The following IRAK2 variants were observed in gnomAD, a reference collection of about 807,000 sequenced individuals.
The protein encoded by IRAK2 is interleukin 1 receptor associated kinase 2, also known as interleukin-1 receptor-associated kinase-like 2.
A neutral mutation model predicts 72.0 loss-of-function variants in IRAK2; 57 were observed. The ratio of observed to expected loss-of-function variants is 0.79; its 90% CI spans 0.64 to 0.99. IRAK2 has a LOEUF of 0.99. IRAK2 is among the 50% of genes least tolerant of loss of function. The probability of loss-of-function intolerance (pLI) is 0.00; values close to 1 mark genes in which losing one functional copy is unlikely to be tolerated. For missense variants in IRAK2, 790 were observed against 794.4 expected, an observed-to-expected ratio of 0.99 and a Z score of 0.07; for synonymous variants, 293 against 312.7, an observed-to-expected ratio of 0.94 and a Z score of 0.67.
At chr3:10,200,330 C>A (rs755070437) in intron 2 of IRAK2, 39 bp from the exon 3 acceptor site, 4 of 1,532,724 alleles carry the variant, frequency 2.6e-6, no homozygotes, top group South Asian at 1.2e-5. Context: ...TACCCCACTT[C>A]ATGGAATAGT....
intron 1 of IRAK2, among the ~76,000 whole-genome samples, chr3:10,175,777 C>T (rs1458946856): frequency 6.6e-6 from 1 of 150,520 alleles, no homozygotes. Context: ...GTAGTCCCAG[C>T]TACTCGGGAG....
intron 2 of IRAK2, among the ~76,000 whole-genome samples, chr3:10,178,627 T>A (rs777102107): frequency 1.3e-4 from 20 of 152,110 alleles, no homozygotes; most frequent in Non-Finnish European, 2.5e-4. Flanking sequence ...TTAATTAATT[T>A]AAAAAACCCC....
At chr3:10,236,342 G>GTTTTTTTTTTTTTTT (rs34423993) in intron 11 of IRAK2, among the ~76,000 whole-genome samples, 1 of 99,636 alleles carries the variant, frequency 1.0e-5, no homozygotes, top group African/African-American at 3.7e-5. Flanking sequence ...AGCCACTAAG[G>GTTTTTTTTTTTTTTT]TTTTTTTTTT....
intron 4 of IRAK2, among the ~76,000 whole-genome samples, chr3:10,212,139 A>G (rs461602): frequency 0.41 from 61,822 of 151,368 alleles, 13,015 homozygotes; most frequent in Middle Eastern, 0.5. Context: ...AAAAACGGAA[A>G]CAGAACTTCT....
intron 1 of IRAK2, among the ~76,000 whole-genome samples, chr3:10,171,383 C>T (rs1696792447): frequency 1.3e-5 from 2 of 152,112 alleles, no homozygotes; most frequent in African/African-American, 4.8e-5. Flanking sequence ...GCTTAGGAGA[C>T]TCAGCTTATT....
At position 10,177,949 on chromosome 3, in the gene IRAK2, C is replaced by A. The variant is rs2306697; in HGVS notation, c.206C>A (p.Ala69Asp). The A allele has an allele frequency of 3.0e-5, 48 of 1,613,738 alleles. 1 individual carries two copies. In the East Asian group the frequency reaches 9.6e-4, roughly 32 times the overall value. The change falls in exon 2 of 13, where the codon GCC (alanine) becomes GAC (aspartate). Residue 69 changes from alanine (A) to aspartate (D), a missense_variant. Ala to Asp is a moderately radical substitution (Grantham distance 126). Coordinates refer to ENST00000256458, the MANE Select transcript of IRAK2 (RefSeq NM_001570.4). ...ELLWWWGMRQ[A>D]TVQQLVDLLC... ...CTGTGGTGGTGGGGCATGCGGCAGG[C>A]CACCGTCCAGCAACTTGTGGACCTC...
At chr3:10,238,711 ATT>A (rs1267845889) in intron 11 of IRAK2, 35 bp from the exon 12 acceptor site, 1 of 1,592,070 alleles carries the variant, frequency 6.3e-7, no homozygotes, top group Non-Finnish European at 8.6e-7. Context: ...TTCAGAGAGA[ATT>A]CCTGATGAGC....
chr3:10,168,645 T>G (rs1696742597), intron 1 of IRAK2, among the ~76,000 whole-genome samples: 1 of 152,234 alleles, frequency 6.6e-6, no homozygotes, highest in East Asian at 1.9e-4. Context: ...GCACATCTTC[T>G]TTGGAGAATA....
chr3:10,236,341 G>GTTTTT lies in IRAK2; in HGVS notation c.1473+1682_1473+1683insTTTTT, dbSNP rs1338122281. Among the ~76,000 whole-genome samples the GTTTTT allele has an allele frequency of 2.8e-4, 35 of 125,254 alleles. 1 individual carries two copies. Among genetic ancestry groups the GTTTTT allele is most frequent in the African/African-American group, 7.1e-4 (23 of 32,216 alleles). The allele number at this position is 125,254 out of a possible 152,430, so 82.2% of individuals were successfully genotyped here. ...GTAAGGATTTTTGCAGAGCCACTAA[G>GTTTTT]GTTTTTTTTTTTTTTTTTTTTTTTT... is the stretch of plus-strand genomic sequence containing the variant. On this transcript the variant is annotated intron_variant, in intron 11 of 12. Coordinates refer to ENST00000256458, the MANE Select transcript of IRAK2 (RefSeq NM_001570.4).
At chr3:10,220,119 G>A (rs1027204542) in intron 8 of IRAK2, among the ~76,000 whole-genome samples, 4 of 152,114 alleles carry the variant, frequency 2.6e-5, no homozygotes, top group African/African-American at 4.8e-5. Context: ...CCTCATCCTC[G>A]AACTTTGGGC....
chr3:10,219,331 T>TTG (rs542085149), intron 7 of IRAK2, among the ~76,000 whole-genome samples: 94 of 151,690 alleles, frequency 6.2e-4, no homozygotes, highest in African/African-American at 2.3e-3. Context: ...GTTTTTGTTT[T>TTG]TTTTTGAGAT....
At chr3:10,174,108 C>T (rs528329281) in intron 1 of IRAK2, among the ~76,000 whole-genome samples, 1 of 152,264 alleles carries the variant, frequency 6.6e-6, no homozygotes, top group South Asian at 2.1e-4. Context: ...ATGACCAATG[C>T]TTCGTGGGGG....
At chr3:10,221,851 G>A (rs1194038365) in intron 8 of IRAK2, among the ~76,000 whole-genome samples, 1 of 151,792 alleles carries the variant, frequency 6.6e-6, no homozygotes, top group Non-Finnish European at 1.5e-5. Flanking sequence ...GTACACATGT[G>A]GCTTAGCTTT....
At chr3:10,191,211 C>T (rs928844014) in intron 2 of IRAK2, among the ~76,000 whole-genome samples, 3 of 151,784 alleles carry the variant, frequency 2.0e-5, no homozygotes, top group Non-Finnish European at 4.4e-5. Context: ...AGGAGAATTG[C>T]TTGAACCCGG....
At chr3:10,239,911 C>T (rs568043815) in intron 12 of IRAK2, among the ~76,000 whole-genome samples, 374 of 152,016 alleles carry the variant, frequency 2.5e-3, no homozygotes, top group African/African-American at 8.0e-3. Context: ...CTTCCAGAGG[C>T]TGGGGTGGGC....
intron 2 of IRAK2, among the ~76,000 whole-genome samples, chr3:10,188,285 G>C (rs1182096053): frequency 6.6e-6 from 1 of 152,082 alleles, no homozygotes; most frequent in African/African-American, 2.4e-5. Flanking sequence ...CCTGCCACAG[G>C]GATTTAGATA....
rs566800937 is a variant in IRAK2, at chr3:10,219,654, T to G, written c.904-26T>G. 1.3e-4 allele frequency: 202 copies of G among 1,564,478 alleles called. No homozygotes were observed. The South Asian group carries it at 2.1e-3, about 16-fold the overall frequency. On this transcript the variant is annotated intron_variant, in intron 7 of 12. Transcript: ENST00000256458. ...TTTAAAAAGGTACATTGTGACTATTTGTCCTCCTGCTTTTCTTTCTCTTAG... is the reference window on the plus strand; with the variant it reads ...TTTAAAAAGGTACATTGTGACTATTGGTCCTCCTGCTTTTCTTTCTCTTAG...
At chr3:10,221,091 G>A (rs547046772) in intron 8 of IRAK2, among the ~76,000 whole-genome samples, 128 of 151,492 alleles carry the variant, frequency 8.4e-4, no homozygotes, top group Non-Finnish European at 1.5e-3. Flanking sequence ...ACACACACAC[G>A]CTAAAAAAGT....
At chr3:10,177,704 T>G in intron 1 of IRAK2, 134 bp from the exon 2 acceptor site, 1 of 824,862 alleles carries the variant, frequency 1.2e-6, no homozygotes, top group Non-Finnish European at 2.0e-6. Context: ...CCTCAGCTAA[T>G]GGTGGTGTTT....
Sources: allele counts gnomAD v4.1 joint callset (sites outside exome capture counted in the v4.1 genomes callset), GRCh38; gene constraint gnomAD v4.1.1; transcripts MANE v1.5; gene names NCBI Gene and HGNC (gene_info 2026-07-23, HGNC 2026-07-21).